TRIM71: variants seen among roughly 807,000 people sequenced by gnomAD.
TRIM71 encodes E3 ubiquitin-protein ligase TRIM71.
Under a neutral mutation model 61.2 loss-of-function variants are expected in TRIM71, and 9 were observed. The ratio of observed to expected loss-of-function variants is 0.15; its 90% confidence interval spans 0.09 to 0.26. The LOEUF (loss-of-function observed/expected upper bound fraction) is 0.26. Ranked by LOEUF, TRIM71 falls within the 10% of genes least tolerant of loss-of-function variation. TRIM71 has a pLI of 1.00. For missense variants in TRIM71, 998 were observed against 1,238.7 expected, an observed-to-expected ratio of 0.81 and a Z score of 2.92; for synonymous variants, 645 against 553.2, an observed-to-expected ratio of 1.17 and a Z score of -2.33.
chr3:32,836,108 C>T (rs1185707830), intron 1 of TRIM71, among the ~76,000 whole-genome samples: 6 of 152,154 alleles, frequency 3.9e-5, no homozygotes, highest in Non-Finnish European at 7.3e-5. Flanking sequence ...AGATCTTCCC[C>T]TCCCCCGACA....
Position 32,818,291 on chromosome 3 carries a change from G to T in TRIM71, c.211G>T (p.Glu71Ter). 1 of 1,431,684 alleles carries T rather than the reference G, an allele frequency of 7.0e-7. No individual in the cohort carries two copies. The highest frequency in any genetic ancestry group is 1.4e-5 in the South Asian group (1 of 70,514). The allele number at this position is 1,431,684 out of a possible 1,614,324, so 88.7% of individuals were successfully genotyped here. The change falls in exon 1 of 4, where the codon GAG (glutamate) becomes TAG (stop). Residue 71 changes from glutamate to a stop codon, truncating the protein, a stop_gained. Coordinates refer to ENST00000383763, the MANE Select transcript of TRIM71 (RefSeq NM_001039111.3). LOFTEE classifies it high-confidence loss of function. ...GCACGCCTTCTGCCGCCCCTGCCTC[G>T]AGGCGCACCGGCTGCCGGCGGCGGG... ...CLHAFCRPCLEAHRLPAAGGG... is the reference protein window; with the variant it reads ...CLHAFCRPCL
chr3:32,871,810 A>G (rs925428337), intron 1 of TRIM71, among the ~76,000 whole-genome samples: 4 of 152,360 alleles, frequency 2.6e-5, no homozygotes, highest in East Asian at 3.9e-4. Context: ...GATCAAAATT[A>G]GTAGGAAAGT....
At position 32,843,048 on chromosome 3, in the gene TRIM71, G is replaced by A. The variant is rs898356433; in HGVS notation, c.852+24116G>A. Among the ~76,000 whole-genome samples, 2 of 152,134 alleles carry A rather than the reference G, an allele frequency of 1.3e-5. 1 individual carries two copies. The highest frequency in any genetic ancestry group is 6.3e-3 in the Middle Eastern group (2 of 316). On this transcript the variant is annotated intron_variant, in intron 1 of 3. Transcript: ENST00000383763. ...TGGGACTATTTATAGGATTATCGGG[G>A]TGTTGGCCACAGCCCCTCCAGCTGG...
chr3:32,850,232 G>C (rs1014218812), intron 1 of TRIM71, among the ~76,000 whole-genome samples: 1 of 152,024 alleles, frequency 6.6e-6, no homozygotes, highest in East Asian at 1.9e-4. Flanking sequence ...GGTGGTTAGC[G>C]GGTGAAGTTT....
rs542032574 is a variant in TRIM71 at position 32,890,066 on chromosome 3, A to C, written c.1156-294A>C. Among the ~76,000 whole-genome samples, 20 of 152,332 alleles carry C rather than the reference A, an allele frequency of 1.3e-4. No homozygotes were observed. Among genetic ancestry groups the C allele is most frequent in the African/African-American group, 4.8e-4 (20 of 41,574 alleles). On this transcript the variant is annotated intron_variant, in intron 3 of 3. Coordinates refer to ENST00000383763, the MANE Select transcript of TRIM71 (RefSeq NM_001039111.3). The surrounding 1 kb of genome is among the most constrained non-coding windows in gnomAD (Gnocchi z 6.2). ...CTCCTCAGTCCATAATCAAGGTTCAACAATTGTCCCAACAGTGCTTTTCAT... is the reference window on the plus strand; with the variant it reads ...CTCCTCAGTCCATAATCAAGGTTCACCAATTGTCCCAACAGTGCTTTTCAT...
intron 1 of TRIM71, among the ~76,000 whole-genome samples, chr3:32,832,265 C>T (rs1272629904): frequency 2.0e-5 from 3 of 152,156 alleles, no homozygotes; most frequent in Non-Finnish European, 2.9e-5. Context: ...CTGGGAATTT[C>T]GAGACCTGCC....
intron 1 of TRIM71, among the ~76,000 whole-genome samples, chr3:32,826,183 G>T (rs1321912878): frequency 6.6e-6 from 1 of 152,208 alleles, no homozygotes; most frequent in Non-Finnish European, 1.5e-5. Context: ...TCCAGGCAGG[G>T]TGCGGTGGCT....
chr3:32,890,268 T>C lies in TRIM71; in HGVS notation c.1156-92T>C. 1.4e-6 allele frequency: 2 copies of C among 1,476,784 alleles called. No homozygotes were observed. Among genetic ancestry groups the C allele is most frequent in the South Asian group, 2.7e-5 (2 of 74,534 alleles). The allele number at this position is 1,476,784 out of a possible 1,614,324, so 91.5% of individuals were successfully genotyped here. A position where few individuals can be genotyped will look rare whatever the true frequency, so the allele number is the denominator to read the frequency against. ...CATCCCACAATATGTGTTTGTCTGA[T>C]GCTTCCTTGTGATTAGTTGTGGCTT... is the stretch of plus-strand genomic sequence containing the variant. On this transcript the variant is annotated intron_variant, in intron 3 of 3. Coordinates refer to ENST00000383763, the MANE Select transcript of TRIM71 (RefSeq NM_001039111.3). This position sits in a 1 kb window ranked among gnomAD's most constrained non-coding sequence, Gnocchi z 6.2.
intron 1 of TRIM71, among the ~76,000 whole-genome samples, chr3:32,866,829 T>TG (rs1696741340): frequency 6.6e-6 from 1 of 152,072 alleles, no homozygotes; most frequent in African/African-American, 2.4e-5. Flanking sequence ...TGGCTGCTGT[T>TG]GGAGAGGAGT....
intron 1 of TRIM71, among the ~76,000 whole-genome samples, chr3:32,830,822 A>G (rs1273887272): frequency 1.3e-5 from 2 of 151,632 alleles, no homozygotes; most frequent in Non-Finnish European, 2.9e-5. Context: ...GGTTTTTTTT[A>G]TTTGTTTTGA....
intron 1 of TRIM71, among the ~76,000 whole-genome samples, chr3:32,844,714 G>T (rs930867872): frequency 6.6e-6 from 1 of 152,142 alleles, no homozygotes; most frequent in Non-Finnish European, 1.5e-5. Context: ...TAAGCAGCCT[G>T]TGATAATAAT....
chr3:32,880,088 G>A (rs747292644), intron 2 of TRIM71, among the ~76,000 whole-genome samples: 3 of 151,772 alleles, frequency 2.0e-5, no homozygotes, highest in Admixed American at 6.6e-5. Context: ...TGGCTGTGTC[G>A]CCCAGGCTGG....
chr3:32,825,343 G>A (rs761990023), intron 1 of TRIM71, among the ~76,000 whole-genome samples: 4 of 152,174 alleles, frequency 2.6e-5, no homozygotes, highest in Admixed American at 6.5e-5. Flanking sequence ...AGGGTAAAAC[G>A]TGTTTATAAA....
In TRIM71 at chr3:32,873,731, G is replaced by T. The variant is rs1476072319; in HGVS notation, c.853-87G>T. On this transcript the variant is annotated intron_variant, in intron 1 of 3. Transcript: ENST00000383763. The stretch of plus-strand genomic sequence containing the variant: ...CATTGGGGAAGCTGGTCGTTCGGTT[G>T]TGAGAGCCAGGGCCCTCCAGTTGCT... 6 of 1,299,026 alleles carry T rather than the reference G, an allele frequency of 4.6e-6. No homozygotes were observed. The East Asian group carries it at 1.3e-4, about 28-fold the overall frequency. 80.5% of individuals were successfully genotyped at this position (1,299,026 alleles called of 1,614,324 possible). A position where few individuals can be genotyped will look rare whatever the true frequency, so the allele number is the denominator to read the frequency against.
chr3:32,847,703 C>T (rs1434225857), intron 1 of TRIM71, among the ~76,000 whole-genome samples: 1 of 152,192 alleles, frequency 6.6e-6, no homozygotes, highest in Non-Finnish European at 1.5e-5. Flanking sequence ...GCAGGCCTTT[C>T]CATATGTGAC....
In TRIM71 at chr3:32,873,786, C is replaced by T. The variant is rs775154466; in HGVS notation, c.853-32C>T. 5 of 1,471,166 alleles carry T rather than the reference C, an allele frequency of 3.4e-6. No homozygotes were observed. The South Asian group carries it at 7.5e-5, about 22-fold the overall frequency. 91.1% of individuals were successfully genotyped at this position (1,471,166 alleles called of 1,614,324 possible). A position where few individuals can be genotyped will look rare whatever the true frequency, so the allele number is the denominator to read the frequency against. On this transcript the variant is annotated intron_variant, in intron 1 of 3. Transcript: ENST00000383763. ...TCCCTCCTCCTCCCGTCCTGCATCT[C>T]CATTTATGCCTGTACCCTCTCTTGT...
At chr3:32,871,380 C>G (rs944944856) in intron 1 of TRIM71, among the ~76,000 whole-genome samples, 2 of 152,170 alleles carry the variant, frequency 1.3e-5, no homozygotes, top group Admixed American at 6.5e-5. Flanking sequence ...AGAACGGATG[C>G]GTTCTCAAGG....
At chr3:32,876,716 G>A (rs1449483216) in intron 2 of TRIM71, among the ~76,000 whole-genome samples, 1 of 152,178 alleles carries the variant, frequency 6.6e-6, no homozygotes, top group Non-Finnish European at 1.5e-5. Flanking sequence ...GAGAATGCTG[G>A]TGCTCTCTGT....
At chr3:32,883,640 G>A (rs1696931805) in intron 2 of TRIM71, among the ~76,000 whole-genome samples, 1 of 152,188 alleles carries the variant, frequency 6.6e-6, no homozygotes, top group Admixed American at 6.5e-5. Context: ...TTCCACACAA[G>A]GTCACATCCT....
Sources: gnomAD v4.1 joint callset for allele counts (sites outside exome capture counted in the v4.1 genomes callset) on GRCh38, gnomAD v4.1.1 for gene constraint, Gnocchi (gnomAD v3.1) non-coding constraint, MANE v1.5 for transcripts, NCBI Gene and HGNC (gene_info 2026-07-23, HGNC 2026-07-21) for gene names.